CADPS: variants seen among roughly 807,000 people sequenced by gnomAD.
CADPS encodes the protein calcium dependent secretion activator.
In CADPS, 57 loss-of-function variants were observed where a neutral mutation model predicts 167.3. The ratio of observed to expected loss-of-function variants is 0.34; its 90% CI spans 0.28 to 0.42. The LOEUF is 0.42. Ranked by LOEUF, CADPS falls within the 20% of genes least tolerant of loss-of-function variation. CADPS has a pLI of 1.00. For synonymous variants in CADPS, 676 were observed against 635.3 expected, an observed-to-expected ratio of 1.06 and a Z score of -0.96; for missense variants, 1,414 against 1,738.1, an observed-to-expected ratio of 0.81 and a Z score of 3.32.
At chr3:62,557,618 T>C in intron 9 of CADPS, 105 bp from the exon 10 acceptor site, 1 of 880,276 alleles carries the variant, frequency 1.1e-6, no homozygotes, top group Non-Finnish European at 1.9e-6. Flanking sequence ...AGTGGCTGGG[T>C]TCAAACTGAG....
At chr3:62,611,943 C>T (rs962949051) in intron 6 of CADPS, among the ~76,000 whole-genome samples, 6 of 152,156 alleles carry the variant, frequency 3.9e-5, no homozygotes, top group African/African-American at 1.2e-4. Flanking sequence ...TGCTTATTGC[C>T]TGTCTCCCCC....
chr3:62,671,342 A>G (rs17355939), intron 3 of CADPS, among the ~76,000 whole-genome samples: 23,186 of 151,870 alleles, frequency 0.15, 1,785 homozygotes, highest in Middle Eastern at 0.25. Context: ...TGTCCAATTC[A>G]CCTGCACTAT....
At chr3:62,429,740 A>G (rs1164787177) in intron 28 of CADPS, among the ~76,000 whole-genome samples, 3 of 152,134 alleles carry the variant, frequency 2.0e-5, no homozygotes, top group Non-Finnish European at 2.9e-5. Flanking sequence ...TAAGACACAG[A>G]AGTATTGTGT....
rs1398471851 is a variant in CADPS, at chr3:62,398,948, A to ATAAAAT, written c.*457_*458insATTTTA. On this transcript the variant is annotated 3_prime_UTR_variant, in exon 30 of 30. Transcript: ENST00000383710. ...GCCTTTTGTTTTTCAAAAAATAAAA[A>ATAAAAT]TAAAAACACAAAGCAGATCTATGTG... The ATAAAAT allele has an allele frequency of 6.6e-6, 1 of 152,630 alleles. No individual in the cohort carries two copies. The highest frequency in any genetic ancestry group is 1.5e-5 in the Non-Finnish European group (1 of 68,168). 9.5% of individuals were successfully genotyped at this position (152,630 alleles called of 1,614,324 possible). A position where few individuals can be genotyped will look rare whatever the true frequency, so the allele number is the denominator to read the frequency against.
intron 3 of CADPS, among the ~76,000 whole-genome samples, chr3:62,700,832 CT>C (rs34544656): frequency 0.079 from 12,067 of 152,158 alleles, 631 homozygotes; most frequent in Non-Finnish European, 0.12. Context: ...TCAGTTTGGG[CT>C]GCTATCACAA....
rs559441037 is a variant in CADPS, at chr3:62,530,626, A to T, written c.2291+2245T>A. ...GGGAAAGGGTAAAGATATTACAAAC[A>T]CAAGCCAATACACACATAACTTCTT... On this transcript the variant is annotated intron_variant, in intron 13 of 29. Coordinates refer to ENST00000383710, the MANE Select transcript of CADPS (RefSeq NM_003716.4). 1.6e-4 allele frequency: 198 copies of T among 1,257,032 alleles called. 2 individuals are homozygous for T. The African/African-American group carries it at 2.8e-3, about 18-fold the overall frequency. 77.9% of individuals were successfully genotyped at this position (1,257,032 alleles called of 1,614,324 possible). A position where few individuals can be genotyped will look rare whatever the true frequency, so the allele number is the denominator to read the frequency against.
In CADPS at chr3:62,592,739, G is replaced by A. The variant is rs139420058; in HGVS notation, c.1335C>T (p.Thr445=). 1,677 of 1,613,542 alleles carry A rather than the reference G, an allele frequency of 1.0e-3. 4 individuals carry two copies. Among genetic ancestry groups the A allele is most frequent in the Non-Finnish European group, 1.1e-3 (1,311 of 1,179,552 alleles). ...QAEASKPTWG[T]QGDFSTTHAL... The stretch of plus-strand genomic sequence containing the variant: ...CATGGGTTGTGGAGAAGTCACCCTG[G>A]GTGCCCCAGCTGCAGACAGAATCAA... The change falls in exon 7 of 30, where the codon ACC becomes ACT. Residue 445 remains threonine (T), a synonymous_variant. Coordinates refer to ENST00000383710, the MANE Select transcript of CADPS (RefSeq NM_003716.4).
At chr3:62,576,859 TG>T (rs1201146866) in intron 8 of CADPS, among the ~76,000 whole-genome samples, 1 of 143,394 alleles carries the variant, frequency 7.0e-6, no homozygotes, top group Non-Finnish European at 1.5e-5. Flanking sequence ...GGTGCACATC[TG>T]TTGGGAAGGA....
intron 1 of CADPS, among the ~76,000 whole-genome samples, chr3:62,777,657 C>A (rs913737953): frequency 6.6e-6 from 1 of 152,080 alleles, no homozygotes; most frequent in Non-Finnish European, 1.5e-5. Context: ...ACGGAGTATA[C>A]GGGAACTCTT....
chr3:62,774,336 A>AAAAG (rs200133262), intron 1 of CADPS, among the ~76,000 whole-genome samples: 3,428 of 152,248 alleles, frequency 0.023, 63 homozygotes, highest in South Asian at 0.062. Context: ...TTAAAAAAAA[A>AAAAG]AACGTACTTT....
chr3:62,835,431 T>G (rs975883718), intron 1 of CADPS, among the ~76,000 whole-genome samples: 9 of 152,220 alleles, frequency 5.9e-5, no homozygotes, highest in Non-Finnish European at 1.0e-4. Flanking sequence ...TTTCACGATG[T>G]GTCTGCAAAA....
At chr3:62,721,601 G>A (rs2075839673) in intron 3 of CADPS, among the ~76,000 whole-genome samples, 1 of 151,998 alleles carries the variant, frequency 6.6e-6, no homozygotes, top group Non-Finnish European at 1.5e-5. Flanking sequence ...TTACAACATT[G>A]TCAGTATCTA....
chr3:62,763,467 T>G (rs117606287), intron 2 of CADPS, among the ~76,000 whole-genome samples: 3,192 of 152,312 alleles, frequency 0.021, 59 homozygotes, highest in South Asian at 0.063. Flanking sequence ...ACTCCTGGAC[T>G]TTTAAGTTAA....
At chr3:62,640,655 C>T (rs1022002335) in intron 6 of CADPS, among the ~76,000 whole-genome samples, 42 of 152,134 alleles carry the variant, frequency 2.8e-4, no homozygotes, top group African/African-American at 5.8e-4. Context: ...TCATATGTCA[C>T]GAAGCCCATG....
At chr3:62,558,917 A>C (rs2078669461) in intron 9 of CADPS, among the ~76,000 whole-genome samples, 1 of 152,230 alleles carries the variant, frequency 6.6e-6, no homozygotes, top group African/African-American at 2.4e-5. Context: ...TAAACAAAGT[A>C]ATCAATAGCA....
At chr3:62,589,299 C>T (rs2085394381) in intron 7 of CADPS, among the ~76,000 whole-genome samples, 1 of 152,190 alleles carries the variant, frequency 6.6e-6, no homozygotes, top group African/African-American at 2.4e-5. Context: ...AGAGGGTGTC[C>T]AGCCAGCACA....
Position 62,405,140 on chromosome 3 carries a change from G to C in CADPS, c.3778-1955C>G, listed in dbSNP as rs115429296. 4.7e-4 allele frequency among the ~76,000 whole-genome samples: 69 copies of C among 145,616 alleles called. 1 individual carries two copies. The East Asian group carries it at 5.8e-3, about 12-fold the overall frequency. On this transcript the variant is annotated intron_variant, in intron 28 of 29. Coordinates refer to ENST00000383710, the MANE Select transcript of CADPS (RefSeq NM_003716.4). Reference sequence around the variant, plus strand: ...GGTTGTAGCTGACATGTAATCTGGGGGGGGGGGGGGCTCAACAGATCTATT... The same window carrying C: ...GGTTGTAGCTGACATGTAATCTGGGCGGGGGGGGGGCTCAACAGATCTATT...
intron 28 of CADPS, among the ~76,000 whole-genome samples, chr3:62,428,661 C>G (rs115810051): frequency 1.3e-5 from 2 of 152,134 alleles, no homozygotes; most frequent in East Asian, 3.9e-4. Flanking sequence ...ATACTCATCG[C>G]GTTTTTGTGT....
chr3:62,800,392 G>T (rs1576582162), intron 1 of CADPS, among the ~76,000 whole-genome samples: 1 of 152,028 alleles, frequency 6.6e-6, no homozygotes, highest in African/African-American at 2.4e-5. Flanking sequence ...TTATGATTCA[G>T]GGGTACCACT....
Sources: gnomAD v4.1 joint callset for allele counts (sites outside exome capture counted in the v4.1 genomes callset) on GRCh38, gnomAD v4.1.1 for gene constraint, MANE v1.5 for transcripts, NCBI Gene and HGNC (gene_info 2026-07-23, HGNC 2026-07-21) for gene names.